The following OVOL2 variants were observed in gnomAD, a reference collection of about 807,000 sequenced individuals.
The protein encoded by OVOL2 is transcription factor Ovo-like 2.
A neutral mutation model predicts 18.1 loss-of-function variants in OVOL2; 13 were observed. That is an observed-to-expected ratio of 0.72 (90% CI 0.47 to 1.14). OVOL2 has a LOEUF of 1.14. OVOL2 is among the 50% of genes most tolerant of loss of function. OVOL2 has a pLI of 0.00. For missense variants in OVOL2, 335 were observed against 383.0 expected (o/e 0.87, Z 1.05); for synonymous variants, 166 against 162.7 (o/e 1.02, Z -0.16).
intron 3 of OVOL2, among the ~76,000 whole-genome samples, chr20:18,030,953 C>T (rs2036563799): frequency 6.6e-6 from 1 of 152,180 alleles, no homozygotes. Context: ...CCCCATCACC[C>T]ACACATTCAG....
In OVOL2 at chr20:18,056,525, C is replaced by A. The variant is rs1600455297; in HGVS notation, c.321+132G>T. The A allele has an allele frequency of 3.9e-6, 4 of 1,023,420 alleles. No individual in the cohort carries two copies. In the African/African-American group the frequency reaches 5.2e-5, roughly 13 times the overall value. The allele number at this position is 1,023,420 out of a possible 1,614,324, so 63.4% of individuals were successfully genotyped here. On this transcript the variant is annotated intron_variant, in intron 2 of 3. Coordinates refer to ENST00000278780, the MANE Select transcript of OVOL2 (RefSeq NM_021220.4). This position sits in a 1 kb window ranked among gnomAD's most constrained non-coding sequence, Gnocchi z 4.2. ...CGCCGCCCAGGGGCAGGTGCAGGAG[C>A]GGCGCGGCGGGCGCGCTCGGGGCGC...
chr20:18,050,276 GCC>G (rs2036760901), intron 2 of OVOL2, among the ~76,000 whole-genome samples: 1 of 152,156 alleles, frequency 6.6e-6, no homozygotes, highest in Non-Finnish European at 1.5e-5. Flanking sequence ...TCTGAATTCA[GCC>G]CCGAGTTAAC....
rs1276797248 is a variant in OVOL2, at chr20:18,057,555, C to A, written c.80G>T (p.Arg27Met). The change falls in exon 1 of 4, where the codon AGG (arginine) becomes ATG (methionine). Residue 27 changes from arginine (R) to methionine (M), a missense_variant. Arg to Met is a moderately conservative substitution (Grantham distance 91, BLOSUM62 -1). Transcript: ENST00000278780. The surrounding 1 kb of genome is among the most constrained non-coding windows in gnomAD (Gnocchi z 6.3). Reference protein sequence around the residue: ...RSWDELPDEKRADTYIPVGLG... With the variant: ...RSWDELPDEKMADTYIPVGLG... ...CTCACCTGGGATGTAGGTGTCTGCC[C>A]TTTTCTCATCCGGGAGCTCATCCCA... 1.3e-6 allele frequency: 2 copies of A among 1,590,244 alleles called. No homozygotes were observed. The highest frequency in any genetic ancestry group is 1.7e-6 in the Non-Finnish European group (2 of 1,168,134).
At chr20:18,026,007 C>G (rs894796100) in intron 3 of OVOL2, among the ~76,000 whole-genome samples, 1 of 152,240 alleles carries the variant, frequency 6.6e-6, no homozygotes, top group Admixed American at 6.5e-5. Flanking sequence ...TGGCAGGACA[C>G]TAAGGCATTT....
chr20:18,032,600 G>A (rs939138115), intron 3 of OVOL2, among the ~76,000 whole-genome samples: 1 of 152,062 alleles, frequency 6.6e-6, no homozygotes, highest in Non-Finnish European at 1.5e-5. Context: ...TCTGCCTCTC[G>A]AGTTCAAGCG....
intron 3 of OVOL2, among the ~76,000 whole-genome samples, chr20:18,038,175 C>T (rs1277793545): frequency 6.6e-6 from 1 of 152,036 alleles, no homozygotes; most frequent in Non-Finnish European, 1.5e-5. Flanking sequence ...GTTATTCCTC[C>T]CTATGTTGGC....
intron 2 of OVOL2, among the ~76,000 whole-genome samples, chr20:18,055,917 AT>A (rs2036818638): frequency 6.6e-6 from 1 of 152,198 alleles, no homozygotes; most frequent in Non-Finnish European, 1.5e-5. Flanking sequence ...TGAGCAGACC[AT>A]CATGGAAGTT....
Position 18,056,604 on chromosome 20 carries a change from C to T in OVOL2, c.321+53G>A. 7.6e-7 allele frequency: 1 copy of T among 1,322,294 alleles called. No homozygotes were observed. The highest frequency in any genetic ancestry group is 9.7e-7 in the Non-Finnish European group (1 of 1,033,876). The allele number at this position is 1,322,294 out of a possible 1,614,324, so 81.9% of individuals were successfully genotyped here. A position where few individuals can be genotyped will look rare whatever the true frequency, so the allele number is the denominator to read the frequency against. On this transcript the variant is annotated intron_variant, in intron 2 of 3. Coordinates refer to ENST00000278780, the MANE Select transcript of OVOL2 (RefSeq NM_021220.4). The surrounding 1 kb of genome is among the most constrained non-coding windows in gnomAD (Gnocchi z 4.2). The stretch of plus-strand genomic sequence containing the variant: ...CAGGGAGGGGCGCCGGCCTCGGGAG[C>T]CCGACGCCAGGGCGTGGTGCAGGTG...
intron 2 of OVOL2, among the ~76,000 whole-genome samples, chr20:18,053,966 G>T (rs1453771233): frequency 6.6e-6 from 1 of 151,982 alleles, no homozygotes; most frequent in Non-Finnish European, 1.5e-5. Context: ...AGGCCCACCC[G>T]CCTCCCTTCT....
intron 3 of OVOL2, among the ~76,000 whole-genome samples, chr20:18,041,116 G>T (rs908419664): frequency 2.0e-5 from 3 of 152,180 alleles, no homozygotes; most frequent in African/African-American, 4.8e-5. Context: ...GAGTCAGGAG[G>T]TGAACCCAGA....
rs563611143 is a variant in OVOL2, at chr20:18,056,345, G to A, written c.321+312C>T. On this transcript the variant is annotated intron_variant, in intron 2 of 3. Coordinates refer to ENST00000278780, the MANE Select transcript of OVOL2 (RefSeq NM_021220.4). This position sits in a 1 kb window ranked among gnomAD's most constrained non-coding sequence, Gnocchi z 4.2. ...GCCTAGCGCACAGAACGGGCTGCTG[G>A]CGGAAGGCAGTGATGCCTGTGCCTT... Among the ~76,000 whole-genome samples the A allele has an allele frequency of 1.2e-4, 19 of 152,362 alleles. No individual in the cohort carries two copies. In the East Asian group the frequency reaches 3.5e-3, roughly 28 times the overall value.
At chr20:18,052,562 C>T (rs2036780001) in intron 2 of OVOL2, among the ~76,000 whole-genome samples, 1 of 152,156 alleles carries the variant, frequency 6.6e-6, no homozygotes, top group Non-Finnish European at 1.5e-5. Flanking sequence ...GTGGCAGATA[C>T]GTATGACTAT....
Position 18,056,600 on chromosome 20 carries a change from G to A in OVOL2, c.321+57C>T, listed in dbSNP as rs1374528102. On this transcript the variant is annotated intron_variant, in intron 2 of 3. Transcript: ENST00000278780. This position sits in a 1 kb window ranked among gnomAD's most constrained non-coding sequence, Gnocchi z 4.2. ...GCGGCAGGGAGGGGCGCCGGCCTCG[G>A]GAGCCCGACGCCAGGGCGTGGTGCA... 1 of 1,316,998 alleles carries A rather than the reference G, an allele frequency of 7.6e-7. No homozygotes were observed. The highest frequency in any genetic ancestry group is 9.7e-7 in the Non-Finnish European group (1 of 1,030,836). The allele number at this position is 1,316,998 out of a possible 1,614,324, so 81.6% of individuals were successfully genotyped here. A position where few individuals can be genotyped will look rare whatever the true frequency, so the allele number is the denominator to read the frequency against.
At chr20:18,058,058 C>G (rs551215097), upstream of OVOL2, among the ~76,000 whole-genome samples, 105 of 152,346 alleles carry the variant, frequency 6.9e-4, no homozygotes, top group Middle Eastern at 3.4e-3. Flanking sequence ...GTTCTTCCCC[C>G]TCCTCTTTTT....
At chr20:18,044,045 G>A (rs191817068) in intron 2 of OVOL2, among the ~76,000 whole-genome samples, 104 of 152,174 alleles carry the variant, frequency 6.8e-4, no homozygotes, top group African/African-American at 2.3e-3. Flanking sequence ...CTCCCTTGCC[G>A]ATGCAGCCTT....
chr20:18,025,663 T>G (rs2036507244), intron 3 of OVOL2, among the ~76,000 whole-genome samples: 1 of 152,072 alleles, frequency 6.6e-6, no homozygotes. Flanking sequence ...GAAGAACCTA[T>G]AGGGCAACGA....
At position 18,041,721 on chromosome 20, in the gene OVOL2, G is replaced by A; in HGVS notation, c.324C>T (p.Phe108=). 1 of 1,610,206 alleles carries A rather than the reference G, an allele frequency of 6.2e-7. No individual in the cohort carries two copies. The highest frequency in any genetic ancestry group is 8.5e-7 in the Non-Finnish European group (1 of 1,177,460). The change falls in exon 3 of 4, where the codon TTC becomes TTT. Residue 108 remains phenylalanine (F), a splice_region_variant and synonymous_variant. Transcript: ENST00000278780. The stretch of plus-strand genomic sequence containing the variant: ...CCGAGTCGCTGCACGTGCCTGTGGT[G>A]AACTGGGGGCAGAGAGAGGCCATGA... ...QRPVARSKIK[F]TTGTCSDSVV...
At chr20:18,028,994 A>T (rs2036543882) in intron 3 of OVOL2, among the ~76,000 whole-genome samples, 1 of 151,672 alleles carries the variant, frequency 6.6e-6, no homozygotes, top group Non-Finnish European at 1.5e-5. Context: ...GTGATCCTTC[A>T]CATTTTCTAC....
At chr20:18,048,116 A>G (rs1175566712) in intron 2 of OVOL2, among the ~76,000 whole-genome samples, 3 of 150,522 alleles carry the variant, frequency 2.0e-5, no homozygotes, top group Non-Finnish European at 4.4e-5. Context: ...GTGAAACTCC[A>G]TCTCTACTAA....
Sources: gnomAD v4.1 joint callset for allele counts (sites outside exome capture counted in the v4.1 genomes callset) on GRCh38, gnomAD v4.1.1 for gene constraint, Gnocchi (gnomAD v3.1) non-coding constraint, MANE v1.5 for transcripts, NCBI Gene and HGNC (gene_info 2026-07-23, HGNC 2026-07-21) for gene names.